KCNMA1: variants seen among roughly 807,000 people sequenced by gnomAD.
KCNMA1 encodes Calcium-activated potassium channel subunit alpha-1.
A neutral mutation model predicts 140.0 loss-of-function variants in KCNMA1; 29 were observed. The observed-to-expected ratio is 0.21, with a 90% CI of 0.15 to 0.28. KCNMA1 has a LOEUF of 0.28. Ranked by LOEUF, KCNMA1 falls within the 10% of genes least tolerant of loss-of-function variation. The pLI is 1.00. For synonymous variants in KCNMA1, 612 were observed against 611.9 expected (o/e 1.00, Z 0.00); for missense variants, 880 against 1,602.2 (o/e 0.55, Z 7.70).
chr10:77,389,715 C>T (rs1394331997), intron 2 of KCNMA1, among the ~76,000 whole-genome samples: 3 of 152,124 alleles, frequency 2.0e-5, no homozygotes, highest in Non-Finnish European at 4.4e-5. Context: ...TGGAATATGG[C>T]CCCCTCCTCC....
intron 23 of KCNMA1, among the ~76,000 whole-genome samples, chr10:76,932,554 C>T (rs1437144728): frequency 6.6e-6 from 1 of 152,160 alleles, no homozygotes; most frequent in East Asian, 1.9e-4. Flanking sequence ...AACCTTTCTG[C>T]AGCCATTATG....
At chr10:77,501,752 A>T (rs574879589) in intron 1 of KCNMA1, among the ~76,000 whole-genome samples, 1 of 152,324 alleles carries the variant, frequency 6.6e-6, no homozygotes, top group African/African-American at 2.4e-5. Flanking sequence ...CCACGTGGCC[A>T]CTGCTACCCA....
chr10:77,005,805 C>A (rs1304839951), intron 18 of KCNMA1, among the ~76,000 whole-genome samples: 1 of 152,186 alleles, frequency 6.6e-6, no homozygotes, highest in African/African-American at 2.4e-5. Context: ...TTTACAGAGA[C>A]AAAATAGAAG....
At chr10:76,973,281 T>A (rs570959575) in intron 19 of KCNMA1, 2 of 152,436 alleles carry the variant, frequency 1.3e-5, no homozygotes, top group South Asian at 4.1e-4. Flanking sequence ...GGAGCTGAAC[T>A]CCATCCAGTC....
chr10:77,252,785 A>G (rs1415105002), intron 2 of KCNMA1, among the ~76,000 whole-genome samples: 2 of 152,146 alleles, frequency 1.3e-5, no homozygotes, highest in Non-Finnish European at 2.9e-5. Context: ...GGACACTGTA[A>G]AAGGAATATG....
At chr10:77,420,198 A>C (rs2096837617) in intron 1 of KCNMA1, among the ~76,000 whole-genome samples, 1 of 152,230 alleles carries the variant, frequency 6.6e-6, no homozygotes, top group African/African-American at 2.4e-5. Context: ...CACATGAAGC[A>C]ATCAGGAGTC....
intron 14 of KCNMA1, among the ~76,000 whole-genome samples, chr10:77,042,378 T>G (rs2094774032): frequency 6.6e-6 from 1 of 152,194 alleles, no homozygotes; most frequent in Non-Finnish European, 1.5e-5. Flanking sequence ...TCTGCCTTAG[T>G]AAAAAAATGT....
intron 1 of KCNMA1, chr10:77,634,443 T>G (rs918744865): frequency 1.0e-6 from 1 of 985,444 alleles, no homozygotes; most frequent in South Asian, 4.7e-5. Flanking sequence ...CCACGATGCA[T>G]GTCCACAGTC....
chr10:77,534,858 T>C (rs1349511886), intron 1 of KCNMA1, among the ~76,000 whole-genome samples: 1 of 152,122 alleles, frequency 6.6e-6, no homozygotes, highest in Non-Finnish European at 1.5e-5. Context: ...CTACAACCCA[T>C]ACCTACCATT....
chr10:77,632,540 C>T (rs532071499), intron 1 of KCNMA1, among the ~76,000 whole-genome samples: 1 of 152,306 alleles, frequency 6.6e-6, no homozygotes, highest in South Asian at 2.1e-4. Context: ...CCTGCCAGGA[C>T]CCCATCCGTG....
At chr10:77,061,582 T>C (rs919620077) in intron 14 of KCNMA1, among the ~76,000 whole-genome samples, 2 of 152,226 alleles carry the variant, frequency 1.3e-5, no homozygotes, top group African/African-American at 4.8e-5. Context: ...ACAGTCCTTC[T>C]GGAAAACACT....
intron 1 of KCNMA1, among the ~76,000 whole-genome samples, chr10:77,438,512 G>A (rs918181859): frequency 6.6e-6 from 1 of 150,662 alleles, no homozygotes; most frequent in African/African-American, 2.4e-5. Context: ...GCAGTGAGCC[G>A]AGATTGTGTC....
At chr10:77,495,549 C>T (rs145327133) in intron 1 of KCNMA1, among the ~76,000 whole-genome samples, 3 of 152,356 alleles carry the variant, frequency 2.0e-5, no homozygotes, top group Admixed American at 2.0e-4. Context: ...GCCGTGATTT[C>T]TCTGCCCGTT....
chr10:77,160,709 G>A lies in KCNMA1; in HGVS notation c.808+22712C>T, dbSNP rs115991561. ...CATCTCACAGAGTTTATCAAATACAGTAATGCTTACAAAAGGTTTTCACAT... is the reference window on the plus strand; with the variant it reads ...CATCTCACAGAGTTTATCAAATACAATAATGCTTACAAAAGGTTTTCACAT... On this transcript the variant is annotated intron_variant, in intron 5 of 27. Transcript: ENST00000286628. Among the ~76,000 whole-genome samples the A allele has an allele frequency of 7.2e-3, 1,094 of 152,308 alleles. 14 individuals carry two copies. Among genetic ancestry groups the A allele is most frequent in the African/African-American group, 0.025 (1,040 of 41,568 alleles).
intron 2 of KCNMA1, among the ~76,000 whole-genome samples, chr10:77,327,752 A>G (rs2084754179): frequency 6.6e-6 from 1 of 151,908 alleles, no homozygotes; most frequent in South Asian, 2.1e-4. Context: ...GTAAAGAGCC[A>G]TCTGGGAAAT....
chr10:77,322,996 C>T (rs1431031495), intron 2 of KCNMA1, among the ~76,000 whole-genome samples: 4 of 152,188 alleles, frequency 2.6e-5, no homozygotes, highest in African/African-American at 9.6e-5. Context: ...TAAATGGGAA[C>T]TAAGACCACG....
chr10:76,898,753 G>C (rs1401755034), intron 25 of KCNMA1, among the ~76,000 whole-genome samples: 2 of 151,712 alleles, frequency 1.3e-5, no homozygotes, highest in Non-Finnish European at 3.0e-5. Flanking sequence ...AAAATATCAT[G>C]TCTTGAGGCC....
chr10:77,467,787 A>G (rs2154527143), intron 1 of KCNMA1, among the ~76,000 whole-genome samples: 1 of 152,348 alleles, frequency 6.6e-6, no homozygotes, highest in Admixed American at 6.5e-5. Flanking sequence ...GGGACCACGA[A>G]TTTTGACCTT....
Position 77,595,662 on chromosome 10 carries a change from T to TTTTTG in KCNMA1, c.378+41598_378+41602dup, listed in dbSNP as rs142378454. Among the ~76,000 whole-genome samples the TTTTTG allele has an allele frequency of 9.3e-3, 1,408 of 152,078 alleles. 13 individuals are homozygous for TTTTTG. Among genetic ancestry groups the TTTTTG allele is most frequent in the East Asian group, 0.053 (271 of 5,150 alleles). ...ACCTCTAACTAGCCAGACAGGCTAG[T>TTTTTG]TTTTGTTTTGTTTTGTTTTTTGAGA... On this transcript the variant is annotated intron_variant, in intron 1 of 27. Coordinates refer to ENST00000286628, the MANE Select transcript of KCNMA1 (RefSeq NM_001161352.2).
Sources: allele counts gnomAD v4.1 joint callset (sites outside exome capture counted in the v4.1 genomes callset), GRCh38; gene constraint gnomAD v4.1.1; transcripts MANE v1.5; gene names NCBI Gene and HGNC (gene_info 2026-07-23, HGNC 2026-07-21).